The following CCDC88C variants were observed in gnomAD, a reference collection of about 807,000 sequenced individuals.
The protein encoded by CCDC88C is coiled-coil and HOOK domain protein 88C.
In CCDC88C, 131 loss-of-function variants were observed where a neutral mutation model predicts 198.8. That is an observed-to-expected ratio of 0.66 (90% CI 0.57 to 0.76). The LOEUF (loss-of-function observed/expected upper bound fraction) is 0.76, where lower values mean the gene tolerates loss of function less well. Ranked by LOEUF, CCDC88C falls within the 30% of genes least tolerant of loss-of-function variation. The pLI is 0.00. For missense variants in CCDC88C, 2,553 were observed against 2,631.6 expected (o/e 0.97, Z 0.65); for synonymous variants, 1,166 against 1,114.7 (o/e 1.05, Z -0.92).
chr14:91,401,302 A>ATATTATATAC (rs1886182339), intron 3 of CCDC88C, among the ~76,000 whole-genome samples: 3 of 138,156 alleles, frequency 2.2e-5, no homozygotes, highest in African/African-American at 7.9e-5. Flanking sequence ...TATATATTAT[A>ATATTATATAC]ATGTATATAT....
chr14:91,341,463 C>G, intron 6 of CCDC88C, among the ~76,000 whole-genome samples: 1 of 152,228 alleles, frequency 6.6e-6, no homozygotes, highest in East Asian at 1.9e-4. Context: ...GCCCAATGGC[C>G]CCAGCCAGCT....
intron 3 of CCDC88C, among the ~76,000 whole-genome samples, chr14:91,373,089 C>T (rs768737112): frequency 6.6e-6 from 1 of 152,146 alleles, no homozygotes; most frequent in East Asian, 1.9e-4. Context: ...CCTGTGTGTG[C>T]GAGGAGTGGG....
chr14:91,397,225 T>C (rs1885899827), intron 3 of CCDC88C, among the ~76,000 whole-genome samples: 1 of 152,124 alleles, frequency 6.6e-6, no homozygotes, highest in Non-Finnish European at 1.5e-5. Context: ...CTGGGCTCGG[T>C]GCTGTGCCCA....
chr14:91,341,008 C>A (rs1392799086), intron 6 of CCDC88C, among the ~76,000 whole-genome samples: 1 of 151,830 alleles, frequency 6.6e-6, no homozygotes, highest in African/African-American at 2.4e-5. Flanking sequence ...AAAAAAGAGA[C>A]CCTGTCTCTA....
chr14:91,351,021 G>T (rs921157729), intron 4 of CCDC88C, among the ~76,000 whole-genome samples: 2 of 152,172 alleles, frequency 1.3e-5, no homozygotes, highest in African/African-American at 4.8e-5. Context: ...AAAGCAGGGA[G>T]CTATGTGGTT....
intron 3 of CCDC88C, among the ~76,000 whole-genome samples, chr14:91,400,049 G>A (rs534252966): frequency 3.3e-5 from 5 of 151,804 alleles, no homozygotes; most frequent in South Asian, 2.1e-4. Context: ...CATTTCCCCC[G>A]AGAAAGCTCT....
chr14:91,302,900 A>C (rs1891365248), intron 20 of CCDC88C, among the ~76,000 whole-genome samples: 1 of 152,208 alleles, frequency 6.6e-6, no homozygotes, highest in South Asian at 2.1e-4. Flanking sequence ...TGGGGAGAAA[A>C]GAGACAGAAG....
chr14:91,293,549 T>C (rs1424166964), intron 23 of CCDC88C, among the ~76,000 whole-genome samples: 702 of 46,262 alleles, frequency 0.015, 222 homozygotes, highest in South Asian at 0.038. Context: ...CCCACCTTCC[T>C]GTCCCCTCGC....
rs1028293980 is a variant in CCDC88C, at chr14:91,381,542, G to A, written c.271-21831C>T. On this transcript the variant is annotated intron_variant, in intron 3 of 29. Coordinates refer to ENST00000389857, the MANE Select transcript of CCDC88C (RefSeq NM_001080414.4). The surrounding 1 kb of genome is among the most constrained non-coding windows in gnomAD (Gnocchi z 4.2). ...CTGCAGACTGTCTTCCATTCAAGCC[G>A]GGCCTTTTGGCCGGGTGCGGTGGCT... Among the ~76,000 whole-genome samples the A allele has an allele frequency of 6.6e-5, 10 of 152,180 alleles. No individual in the cohort carries two copies. Among genetic ancestry groups the A allele is most frequent in the Non-Finnish European group, 1.5e-5 (1 of 68,030 alleles).
At position 91,299,433 on chromosome 14, in the gene CCDC88C, G is replaced by A. The variant is rs371850005; in HGVS notation, c.3779+494C>T. Among the ~76,000 whole-genome samples, 9 of 152,336 alleles carry A rather than the reference G, an allele frequency of 5.9e-5. No individual in the cohort carries two copies. In the East Asian group the frequency reaches 1.2e-3, roughly 20 times the overall value. The stretch of plus-strand genomic sequence containing the variant: ...AGGAGCTGAAACAAGAAGGCAGCGT[G>A]CTGTCGTGTGTGCCCTCAGCTGGGA... On this transcript the variant is annotated intron_variant, in intron 21 of 29. Transcript: ENST00000389857.
intron 3 of CCDC88C, among the ~76,000 whole-genome samples, chr14:91,366,057 A>G (rs1215577284): frequency 2.0e-5 from 3 of 152,168 alleles, no homozygotes; most frequent in Non-Finnish European, 2.9e-5. Flanking sequence ...AGCATTTTCT[A>G]AATATTCTGT....
At chr14:91,379,252 T>TG (rs1884637997) in intron 3 of CCDC88C, 1 of 152,670 alleles carries the variant, frequency 6.6e-6, no homozygotes. Flanking sequence ...GTGGAAAGGC[T>TG]GGGTCTTATC....
chr14:91,292,164 C>T (rs1344906681), intron 23 of CCDC88C, among the ~76,000 whole-genome samples: 1 of 152,224 alleles, frequency 6.6e-6, no homozygotes. Flanking sequence ...ACCCCAGCCA[C>T]GCTCCGCTCC....
chr14:91,363,280 C>CTTTTTTTTT (rs1006691437), intron 3 of CCDC88C, among the ~76,000 whole-genome samples: 44 of 145,936 alleles, frequency 3.0e-4, no homozygotes, highest in African/African-American at 1.0e-3. Context: ...TATTATTTTA[C>CTTTTTTTTT]TTTTTTTTTT....
At chr14:91,324,671 G>A (rs559315664) in intron 12 of CCDC88C, 108 bp downstream of exon 12, 1 of 1,325,954 alleles carries the variant, frequency 7.5e-7, no homozygotes, top group Non-Finnish European at 1.0e-6. Flanking sequence ...ATGTTTGCCT[G>A]GGATGAATGG....
intron 3 of CCDC88C, among the ~76,000 whole-genome samples, chr14:91,391,968 G>T (rs1033975179): frequency 6.6e-6 from 1 of 151,958 alleles, no homozygotes; most frequent in South Asian, 2.1e-4. Flanking sequence ...GTGCAGTGAC[G>T]CAATCCAGCT....
chr14:91,413,717 C>T (rs776050076), intron 2 of CCDC88C, among the ~76,000 whole-genome samples: 3 of 152,194 alleles, frequency 2.0e-5, no homozygotes, highest in Non-Finnish European at 4.4e-5. Flanking sequence ...AGACCAGGGC[C>T]GAGAGACTAC....
rs1220854648 is a variant in CCDC88C, at chr14:91,272,428, G to A, written c.*197C>T. The A allele has an allele frequency of 1.4e-5, 8 of 583,610 alleles. No individual in the cohort carries two copies. Among genetic ancestry groups the A allele is most frequent in the Admixed American group, 3.5e-5 (1 of 28,644 alleles). 36.2% of individuals were successfully genotyped at this position (583,610 alleles called of 1,614,324 possible). A position where few individuals can be genotyped will look rare whatever the true frequency, so the allele number is the denominator to read the frequency against. Reference sequence around the variant, plus strand: ...TGGAAGCGGCAGACACAGAAAACACGTTACACACCTGGAAGCGTAATCCTC... The same window carrying A: ...TGGAAGCGGCAGACACAGAAAACACATTACACACCTGGAAGCGTAATCCTC... On this transcript the variant is annotated 3_prime_UTR_variant, in exon 30 of 30. Coordinates refer to ENST00000389857, the MANE Select transcript of CCDC88C (RefSeq NM_001080414.4).
chr14:91,286,792 G>A (rs981145559), intron 25 of CCDC88C, among the ~76,000 whole-genome samples: 2 of 152,186 alleles, frequency 1.3e-5, no homozygotes, highest in African/African-American at 2.4e-5. Flanking sequence ...GCAGTTAAGA[G>A]CTCAGGCTCC....
Sources: gnomAD v4.1 joint callset for allele counts (sites outside exome capture counted in the v4.1 genomes callset) on GRCh38, gnomAD v4.1.1 for gene constraint, Gnocchi (gnomAD v3.1) non-coding constraint, MANE v1.5 for transcripts, NCBI Gene and HGNC (gene_info 2026-07-23, HGNC 2026-07-21) for gene names.